The following UBR1 variants were observed in gnomAD, a reference collection of about 807,000 sequenced individuals.
UBR1 encodes the protein E3 ubiquitin-protein ligase UBR1.
In UBR1, 102 loss-of-function variants were observed where a neutral mutation model predicts 242.1. The observed-to-expected ratio is 0.42, with a 90% CI of 0.36 to 0.50. The LOEUF is 0.50. UBR1 is among the 20% of genes least tolerant of loss of function. The probability of loss-of-function intolerance (pLI) is 0.01; values close to 1 mark genes in which losing one functional copy is unlikely to be tolerated. For synonymous variants in UBR1, 675 were observed against 684.8 expected (o/e 0.99, Z 0.22); for missense variants, 1,772 against 2,101.8 (o/e 0.84, Z 3.07).
At chr15:42,975,485 G>A (rs763044029) in intron 39 of UBR1, among the ~76,000 whole-genome samples, 5 of 151,892 alleles carry the variant, frequency 3.3e-5, no homozygotes, top group Admixed American at 1.3e-4. Context: ...AAATAATGTC[G>A]TGCTTGTATC....
intron 19 of UBR1, among the ~76,000 whole-genome samples, chr15:43,033,354 T>C (rs1000205788): frequency 6.6e-6 from 1 of 152,088 alleles, no homozygotes; most frequent in Non-Finnish European, 1.5e-5. Flanking sequence ...CCACTAAAAA[T>C]ACAAAACTTA....
intron 5 of UBR1, among the ~76,000 whole-genome samples, chr15:43,068,778 A>G (rs1465811892): frequency 1.3e-5 from 2 of 151,980 alleles, no homozygotes; most frequent in African/African-American, 2.4e-5. Flanking sequence ...CCACCACCAC[A>G]CTTGGCTAAT....
intron 14 of UBR1, among the ~76,000 whole-genome samples, chr15:43,044,866 G>C (rs1314849998): frequency 9.2e-5 from 14 of 152,140 alleles, no homozygotes; most frequent in Admixed American, 9.2e-4. Context: ...CTGCACTCCA[G>C]CCTGGGTGAC....
intron 20 of UBR1, among the ~76,000 whole-genome samples, chr15:43,030,323 T>C (rs758509537): frequency 5.9e-5 from 9 of 152,162 alleles, no homozygotes; most frequent in African/African-American, 1.7e-4. Flanking sequence ...CACACATACA[T>C]ATACATACAT....
chr15:43,036,380 G>A (rs2033335411), intron 18 of UBR1, 101 bp from the exon 19 acceptor site: 3 of 1,230,732 alleles, frequency 2.4e-6, no homozygotes, highest in Admixed American at 1.7e-5. Flanking sequence ...AGAAGATAAT[G>A]TAGTAGTCCC....
chr15:43,017,143 A>C lies in UBR1; in HGVS notation c.2979T>G (p.Cys993Trp). Residue 993 changes from cysteine to tryptophan, a missense_variant, in exon 28 of 47, where the codon TGT (cysteine) becomes TGG (tryptophan). Physicochemically the swap from Cys to Trp is radical, Grantham distance 215. Transcript: ENST00000290650. ...ATCCTGATGTGGTTGCTACAATTAA[A>C]CAAGATTTTTCTCTTAATCGCTTCA... Reference protein sequence around the residue: ...DTVKRLREKSCLIVATTSGSE... With the variant: ...DTVKRLREKSWLIVATTSGSE... The C allele has an allele frequency of 6.2e-7, 1 of 1,613,838 alleles. No individual in the cohort carries two copies. The highest frequency in any genetic ancestry group is 2.2e-5 in the East Asian group (1 of 44,862).
At chr15:43,018,146 G>A (rs2033055399) in intron 27 of UBR1, among the ~76,000 whole-genome samples, 1 of 151,556 alleles carries the variant, frequency 6.6e-6, no homozygotes, top group African/African-American at 2.4e-5. Flanking sequence ...AGGACTACAG[G>A]TGCCCGCCAT....
chr15:42,945,548 C>T, intron 46 of UBR1, 78 bp from the exon 47 acceptor site: 3 of 1,559,544 alleles, frequency 1.9e-6, no homozygotes, highest in Non-Finnish European at 2.6e-6. Context: ...AATTAGTATG[C>T]ACTCTTGAGA....
At chr15:43,066,118 T>C (rs2033749328) in intron 6 of UBR1, among the ~76,000 whole-genome samples, 1 of 152,232 alleles carries the variant, frequency 6.6e-6, no homozygotes, top group Non-Finnish European at 1.5e-5. Context: ...TTTAAGTCTT[T>C]AATCTATCTT....
intron 25 of UBR1, among the ~76,000 whole-genome samples, chr15:43,023,313 C>A (rs1023525778): frequency 6.6e-6 from 1 of 152,010 alleles, no homozygotes; most frequent in African/African-American, 2.4e-5. Context: ...CAACCTGGCC[C>A]GGAGCTGGTG....
At chr15:43,073,849 C>T (rs562077739) in intron 4 of UBR1, among the ~76,000 whole-genome samples, 1 of 152,190 alleles carries the variant, frequency 6.6e-6, no homozygotes, top group African/African-American at 2.4e-5. Context: ...TTTCTGACAA[C>T]AAGAAATACC....
chr15:42,989,219 T>C (rs1355010389), intron 34 of UBR1, among the ~76,000 whole-genome samples: 1 of 152,230 alleles, frequency 6.6e-6, no homozygotes, highest in African/African-American at 2.4e-5. Flanking sequence ...CTTCACTTCC[T>C]GTAAAAGATG....
At chr15:42,975,929 G>A (rs1204712735) in intron 39 of UBR1, among the ~76,000 whole-genome samples, 1 of 152,030 alleles carries the variant, frequency 6.6e-6, no homozygotes, top group Non-Finnish European at 1.5e-5. Flanking sequence ...TCTTGTGCAG[G>A]CTGTTCTTGA....
chr15:43,061,023 C>T (rs192379833), intron 6 of UBR1, among the ~76,000 whole-genome samples: 105 of 151,856 alleles, frequency 6.9e-4, no homozygotes, highest in South Asian at 4.6e-3. Context: ...TACATAAACT[C>T]GAGCTCAATC....
At chr15:42,967,940 A>C (rs1471423049) in intron 40 of UBR1, among the ~76,000 whole-genome samples, 1 of 150,156 alleles carries the variant, frequency 6.7e-6, no homozygotes, top group Non-Finnish European at 1.5e-5. Flanking sequence ...TATTATGAAT[A>C]TATATAAAAA....
At chr15:42,965,667 A>G (rs1320525197) in intron 41 of UBR1, among the ~76,000 whole-genome samples, 1 of 152,062 alleles carries the variant, frequency 6.6e-6, no homozygotes, top group Non-Finnish European at 1.5e-5. Context: ...GGGTTTCACC[A>G]TGTTGGCCTT....
At chr15:43,010,920 G>T (rs1305489410) in intron 29 of UBR1, among the ~76,000 whole-genome samples, 1 of 151,766 alleles carries the variant, frequency 6.6e-6, no homozygotes, top group East Asian at 1.9e-4. Flanking sequence ...AACCCAGGAG[G>T]CGGAGGTTGC....
Position 42,988,825 on chromosome 15 carries a change from C to T in UBR1, c.3991G>A (p.Ala1331Thr). 2 of 1,614,190 alleles carry T rather than the reference C, an allele frequency of 1.2e-6. No homozygotes were observed. Among genetic ancestry groups the T allele is most frequent in the Non-Finnish European group, 1.7e-6 (2 of 1,180,042 alleles). Reference sequence around the variant, plus strand: ...GTTTTCTTATGAGCTTTACCAATTGCCTGGATAGTGAAAGCGCAGGTGCTC... The same window carrying T: ...GTTTTCTTATGAGCTTTACCAATTGTCTGGATAGTGAAAGCGCAGGTGCTC... ...TWSTCAFTIQ[A>T]IENLLGDEGK... Residue 1331 changes from alanine to threonine, a missense_variant, in exon 35 of 47, where the codon GCA (alanine) becomes ACA (threonine). By Grantham distance (58) the Ala-to-Thr change is moderately conservative. This residue lies in a region of UBR1 where 965 missense variants were observed against 1,079.7 expected (regional missense o/e 0.89). Transcript: ENST00000290650.
In UBR1 at chr15:43,002,724, C is replaced by G. The variant is rs754841720; in HGVS notation, c.3510-20G>C. On this transcript the variant is annotated intron_variant, in intron 31 of 46. Transcript: ENST00000290650. Reference sequence around the variant, plus strand: ...AAATACCTGCAAAATTACAAAGACACAGGCCCATTCAGAACTACACATGCA... The same window carrying G: ...AAATACCTGCAAAATTACAAAGACAGAGGCCCATTCAGAACTACACATGCA... 5.0e-6 allele frequency: 8 copies of G among 1,613,794 alleles called. No individual in the cohort carries two copies. The African/African-American group carries it at 1.1e-4, about 22-fold the overall frequency.
Sources: gnomAD v4.1 joint callset for allele counts (sites outside exome capture counted in the v4.1 genomes callset) on GRCh38, gnomAD v4.1.1 for gene constraint, gnomAD v4.1.1 regional missense constraint, MANE v1.5 for transcripts, NCBI Gene and HGNC (gene_info 2026-07-23, HGNC 2026-07-21) for gene names.